PLEKHF2: variants seen among roughly 807,000 people sequenced by gnomAD.
PLEKHF2 encodes the protein pleckstrin homology domain-containing family F member 2.
In PLEKHF2, 4 loss-of-function variants were observed where a neutral mutation model predicts 14.7. That is an observed-to-expected ratio of 0.27 (90% confidence interval 0.13 to 0.62). PLEKHF2 has a LOEUF of 0.62. PLEKHF2 is among the 20% of genes least tolerant of loss of function. The probability of loss-of-function intolerance (pLI) is 0.85; values close to 1 mark genes in which losing one functional copy is unlikely to be tolerated. For synonymous variants in PLEKHF2, 90 were observed against 103.5 expected (o/e 0.87, Z 0.79); for missense variants, 201 against 307.7 (o/e 0.65, Z 2.60).
At chr8:95,145,252 C>T (rs952032793) in intron 1 of PLEKHF2, among the ~76,000 whole-genome samples, 1 of 152,018 alleles carries the variant, frequency 6.6e-6, no homozygotes, top group Non-Finnish European at 1.5e-5. Context: ...AAAGTTTTGT[C>T]TTACCAAAGA....
At position 95,155,513 on chromosome 8, in the gene PLEKHF2, T is replaced by C. The variant is rs1041913516; in HGVS notation, c.*719T>C. ...TAGTTGTGATTATATTTTTGTTTTA[T>C]ATAGGTCCCAAATTATAATTGTCAA... On this transcript the variant is annotated 3_prime_UTR_variant, in exon 2 of 2. Transcript: ENST00000315367. The C allele has an allele frequency of 6.0e-6, 1 of 167,068 alleles. No homozygotes were observed. Among genetic ancestry groups the C allele is most frequent in the African/African-American group, 2.4e-5 (1 of 41,476 alleles). The allele number at this position is 167,068 out of a possible 1,614,324, so 10.3% of individuals were successfully genotyped here. A position where few individuals can be genotyped will look rare whatever the true frequency, so the allele number is the denominator to read the frequency against.
Position 95,154,687 on chromosome 8 carries a change from G to A in PLEKHF2, c.643G>A (p.Asp215Asn), listed in dbSNP as rs761451039. Residue 215 changes from aspartate to asparagine, a missense_variant, in exon 2 of 2, where the codon GAC becomes AAC. By Grantham distance (23) the Asp-to-Asn change is conservative (BLOSUM62 1). Transcript: ENST00000315367. This position sits in a 1 kb window ranked among gnomAD's most constrained non-coding sequence, Gnocchi z 5.6. ...CTGCTATGACCTGCTTTCTGCTGGG[G>A]ACATGGCCACATGCCAGCCTGCTAG... is the stretch of plus-strand genomic sequence containing the variant. ...DFCYDLLSAG[D>N]MATCQPARSD... 8.1e-6 allele frequency: 13 copies of A among 1,614,018 alleles called. No homozygotes were observed. The highest frequency in any genetic ancestry group is 1.1e-5 in the South Asian group (1 of 91,094).
chr8:95,138,433 A>G (rs1434304204), intron 1 of PLEKHF2, among the ~76,000 whole-genome samples: 2 of 132,834 alleles, frequency 1.5e-5, no homozygotes, highest in Non-Finnish European at 3.0e-5. Context: ...ACAGTTGGGG[A>G]AAAAGAAAGA....
chr8:95,135,589 GAGA>G (rs756255253), intron 1 of PLEKHF2, among the ~76,000 whole-genome samples: 1 of 152,164 alleles, frequency 6.6e-6, no homozygotes, highest in Non-Finnish European at 1.5e-5. Flanking sequence ...ATTTTGTGGA[GAGA>G]AGGTTTTGCC....
rs1434856256 is a variant in PLEKHF2, at chr8:95,156,375, A to T, written c.*1581A>T. The T allele has an allele frequency of 6.0e-6, 1 of 167,046 alleles. No individual in the cohort carries two copies. The highest frequency in any genetic ancestry group is 2.1e-4 in the South Asian group (1 of 4,836). 10.3% of individuals were successfully genotyped at this position (167,046 alleles called of 1,614,324 possible). A position where few individuals can be genotyped will look rare whatever the true frequency, so the allele number is the denominator to read the frequency against. On this transcript the variant is annotated 3_prime_UTR_variant, in exon 2 of 2. Transcript: ENST00000315367. Reference sequence around the variant, plus strand: ...ATTAGATTTTGAAAGTATCTGAGATATACAAATCTCCCTGTAGGAAATGTG... The same window carrying T: ...ATTAGATTTTGAAAGTATCTGAGATTTACAAATCTCCCTGTAGGAAATGTG...
At chr8:95,147,575 G>A (rs1002237153) in intron 1 of PLEKHF2, among the ~76,000 whole-genome samples, 10 of 151,958 alleles carry the variant, frequency 6.6e-5, no homozygotes, top group African/African-American at 2.4e-4. Context: ...GGTTCTTAGT[G>A]ATTTTGCTTT....
chr8:95,152,383 T>G lies in PLEKHF2; in HGVS notation c.-14-1648T>G, dbSNP rs1434225722. Among the ~76,000 whole-genome samples, 3 of 152,242 alleles carry G rather than the reference T, an allele frequency of 2.0e-5. No homozygotes were observed. The South Asian group carries it at 6.2e-4, about 32-fold the overall frequency. On this transcript the variant is annotated intron_variant, in intron 1 of 1. Coordinates refer to ENST00000315367, the MANE Select transcript of PLEKHF2 (RefSeq NM_024613.4). Reference sequence around the variant, plus strand: ...TAGATTGGTGAATACACATATTCTCTGTAGTGTACAAGGGTACCTATTTCC... The same window carrying G: ...TAGATTGGTGAATACACATATTCTCGGTAGTGTACAAGGGTACCTATTTCC...
intron 1 of PLEKHF2, among the ~76,000 whole-genome samples, chr8:95,149,123 A>G (rs1810532067): frequency 6.6e-6 from 1 of 152,164 alleles, no homozygotes; most frequent in Non-Finnish European, 1.5e-5. Flanking sequence ...AACACATTAG[A>G]AAATCATTGA....
chr8:95,152,334 G>A (rs1188435942), intron 1 of PLEKHF2, among the ~76,000 whole-genome samples: 1 of 151,996 alleles, frequency 6.6e-6, no homozygotes, highest in Non-Finnish European at 1.5e-5. Flanking sequence ...ATATCTCTAT[G>A]CACGTGAGTG....
In PLEKHF2 at chr8:95,142,210, G is replaced by A. The variant is rs114620745; in HGVS notation, c.-15+8180G>A. On this transcript the variant is annotated intron_variant, in intron 1 of 1. Transcript: ENST00000315367. ...ACAGGATAACTAATTCCTCAGTAGT[G>A]TTTTAGTTGAGCTTTACCAGGTTTA... Among the ~76,000 whole-genome samples the A allele has an allele frequency of 8.0e-3, 1,217 of 152,220 alleles. 18 individuals are homozygous for A. Among genetic ancestry groups the A allele is most frequent in the African/African-American group, 0.028 (1,177 of 41,508 alleles).
At chr8:95,147,832 ATT>A (rs1421609178) in intron 1 of PLEKHF2, among the ~76,000 whole-genome samples, 1 of 151,978 alleles carries the variant, frequency 6.6e-6, no homozygotes, top group Admixed American at 6.6e-5. Flanking sequence ...GGGAATTCAT[ATT>A]TTTTCATTTT....
At chr8:95,147,284 C>A (rs1035158204) in intron 1 of PLEKHF2, among the ~76,000 whole-genome samples, 1 of 151,984 alleles carries the variant, frequency 6.6e-6, no homozygotes, top group African/African-American at 2.4e-5. Context: ...CTGCATACCC[C>A]AGACCAATAA....
intron 1 of PLEKHF2, among the ~76,000 whole-genome samples, chr8:95,136,333 TACACACACACACACACACACACACACAC>T (rs34457137): frequency 8.1e-6 from 1 of 123,934 alleles, no homozygotes; most frequent in African/African-American, 3.2e-5. Flanking sequence ...TTATTATATA[TACACACACACACACACACACACACACAC>T]ACACACACAC....
chr8:95,134,144 T>C (rs969241312), intron 1 of PLEKHF2, 114 bp downstream of exon 1: 2 of 146,954 alleles, frequency 1.4e-5, no homozygotes, highest in African/African-American at 5.0e-5. Flanking sequence ...CGCCGGGAGG[T>C]GTCGTCGTCG....
intron 1 of PLEKHF2, among the ~76,000 whole-genome samples, chr8:95,153,645 T>C (rs1810584858): frequency 6.6e-6 from 1 of 152,212 alleles, no homozygotes; most frequent in Non-Finnish European, 1.5e-5. Context: ...TTTTTCTTAG[T>C]TTATGTAACA....
chr8:95,142,898 G>A (rs1411983876), intron 1 of PLEKHF2, among the ~76,000 whole-genome samples: 2 of 152,064 alleles, frequency 1.3e-5, no homozygotes, highest in Admixed American at 1.3e-4. Context: ...GGTAGGGTGT[G>A]GTTCCTGTTT....
chr8:95,150,913 T>G (rs894250880), intron 1 of PLEKHF2, among the ~76,000 whole-genome samples: 3 of 152,132 alleles, frequency 2.0e-5, no homozygotes, highest in Non-Finnish European at 2.9e-5. Context: ...GGCAAGTTAT[T>G]TAACCCCTCT....
chr8:95,146,179 T>C (rs547095525), intron 1 of PLEKHF2, among the ~76,000 whole-genome samples: 1 of 152,166 alleles, frequency 6.6e-6, no homozygotes, highest in South Asian at 2.1e-4. Context: ...TTTTAAGGAC[T>C]GAAAGGGCTT....
At chr8:95,141,705 GT>G (rs111907566) in intron 1 of PLEKHF2, among the ~76,000 whole-genome samples, 32,402 of 131,588 alleles carry the variant, frequency 0.25, 4,970 homozygotes, top group African/African-American at 0.46. Flanking sequence ...TTTGTGTTTT[GT>G]TTTTTTTTTT....
Sources: gnomAD v4.1 joint callset for allele counts (sites outside exome capture counted in the v4.1 genomes callset) on GRCh38, gnomAD v4.1.1 for gene constraint, Gnocchi (gnomAD v3.1) non-coding constraint, MANE v1.5 for transcripts, NCBI Gene and HGNC (gene_info 2026-07-23, HGNC 2026-07-21) for gene names.